PRKCE: variants seen among roughly 807,000 people sequenced by gnomAD.
PRKCE encodes protein kinase C epsilon type.
PRKCE carries 16 observed loss-of-function variants against 85.4 expected under a neutral mutation model. The ratio of observed to expected loss-of-function variants is 0.19; its 90% CI spans 0.13 to 0.28. The LOEUF (loss-of-function observed/expected upper bound fraction) is 0.28. Ranked by LOEUF, PRKCE falls within the 10% of genes least tolerant of loss-of-function variation. The pLI, the probability that PRKCE is intolerant of heterozygous loss-of-function variation, is 1.00. For missense variants in PRKCE, 573 were observed against 975.2 expected (o/e 0.59, Z 5.49); for synonymous variants, 388 against 371.5 (o/e 1.04, Z -0.51).
Position 46,187,289 on chromosome 2 carries a change from A to C in PRKCE, c.*2408A>C, listed in dbSNP as rs1574704956. 1 of 152,296 alleles carries C rather than the reference A, an allele frequency of 6.6e-6. No individual in the cohort carries two copies. Among genetic ancestry groups the C allele is most frequent in the Admixed American group, 6.6e-5 (1 of 15,266 alleles). 9.4% of individuals were successfully genotyped at this position (152,296 alleles called of 1,614,324 possible). ...GCTGGGAAGTCAAATAATACATTCCACCTGGCAGCTGAAGGCAGCCAGTCA... is the reference window on the plus strand; with the variant it reads ...GCTGGGAAGTCAAATAATACATTCCCCCTGGCAGCTGAAGGCAGCCAGTCA... On this transcript the variant is annotated 3_prime_UTR_variant, in exon 15 of 15. Coordinates refer to ENST00000306156, the MANE Select transcript of PRKCE (RefSeq NM_005400.3).
chr2:46,123,840 A>G (rs1429720175), intron 11 of PRKCE, among the ~76,000 whole-genome samples: 1 of 152,186 alleles, frequency 6.6e-6, no homozygotes, highest in Non-Finnish European at 1.5e-5. Context: ...GGTGGTAAGG[A>G]TTTGTACCAT....
intron 2 of PRKCE, among the ~76,000 whole-genome samples, chr2:45,967,118 A>G (rs779086191): frequency 6.6e-6 from 1 of 152,126 alleles, no homozygotes; most frequent in Non-Finnish European, 1.5e-5. Flanking sequence ...GATTTGTAGC[A>G]TTTGTTGATT....
intron 1 of PRKCE, among the ~76,000 whole-genome samples, chr2:45,756,240 T>C (rs571642226): frequency 2.0e-4 from 30 of 152,288 alleles, no homozygotes; most frequent in African/African-American, 6.7e-4. Flanking sequence ...CCTGGACTTC[T>C]TTGAAAAAGC....
chr2:46,055,978 T>C (rs1195804432), intron 10 of PRKCE, among the ~76,000 whole-genome samples: 1 of 152,196 alleles, frequency 6.6e-6, no homozygotes, highest in Non-Finnish European at 1.5e-5. Context: ...GTCTAATTTT[T>C]GCATGCCAAC....
At chr2:45,781,027 C>T (rs986439737) in intron 1 of PRKCE, among the ~76,000 whole-genome samples, 1 of 152,082 alleles carries the variant, frequency 6.6e-6, no homozygotes, top group Non-Finnish European at 1.5e-5. Context: ...GGAAGAATCA[C>T]TTAATTTAGA....
At chr2:46,136,311 A>G (rs1674991958) in intron 11 of PRKCE, among the ~76,000 whole-genome samples, 1 of 152,158 alleles carries the variant, frequency 6.6e-6, no homozygotes, top group Non-Finnish European at 1.5e-5. Context: ...ATTCTTTCTG[A>G]TATGTTAAGG....
intron 11 of PRKCE, among the ~76,000 whole-genome samples, chr2:46,133,536 GTCAATGAATATA>G (rs1309235827): frequency 6.6e-6 from 1 of 152,206 alleles, no homozygotes; most frequent in Non-Finnish European, 1.5e-5. Flanking sequence ...GGGGCAAGTA[GTCAATGAATATA>G]TCAGTGATTG....
At chr2:46,007,747 A>G in intron 9 of PRKCE, 86 bp downstream of exon 9, 1 of 1,406,492 alleles carries the variant, frequency 7.1e-7, no homozygotes, top group African/African-American at 1.4e-5. Flanking sequence ...TGAGAGAGGA[A>G]CCTTTCAGCC....
intron 1 of PRKCE, among the ~76,000 whole-genome samples, chr2:45,780,048 C>T (rs1238941717): frequency 9.0e-6 from 1 of 111,530 alleles, no homozygotes; most frequent in Non-Finnish European, 1.8e-5. Context: ...TCTGTAAATA[C>T]ATCTGTATCG....
At chr2:46,142,948 G>T (rs1291508136) in intron 11 of PRKCE, among the ~76,000 whole-genome samples, 1 of 152,166 alleles carries the variant, frequency 6.6e-6, no homozygotes, top group Non-Finnish European at 1.5e-5. Flanking sequence ...TGGCATTTGG[G>T]GTATTTTATA....
intron 2 of PRKCE, among the ~76,000 whole-genome samples, chr2:45,901,842 A>G (rs1696603761): frequency 1.3e-5 from 2 of 152,238 alleles, no homozygotes; most frequent in Non-Finnish European, 2.9e-5. Flanking sequence ...AAGCTCACAC[A>G]CGATGTCTGT....
chr2:45,987,996 A>G (rs551945530), intron 6 of PRKCE, among the ~76,000 whole-genome samples: 1 of 152,312 alleles, frequency 6.6e-6, no homozygotes, highest in African/African-American at 2.4e-5. Flanking sequence ...GTGACCTGCA[A>G]GCATCCCCGA....
intron 2 of PRKCE, among the ~76,000 whole-genome samples, chr2:45,966,197 T>G (rs997842238): frequency 6.6e-6 from 1 of 152,188 alleles, no homozygotes; most frequent in Non-Finnish European, 1.5e-5. Context: ...CTTGTGATAT[T>G]AGAGGAAGTA....
intron 2 of PRKCE, among the ~76,000 whole-genome samples, chr2:45,852,339 C>T (rs1300022340): frequency 1.3e-5 from 2 of 152,202 alleles, no homozygotes; most frequent in Non-Finnish European, 2.9e-5. Context: ...CTGTTTAAAA[C>T]AGTTAACTCA....
At chr2:46,162,606 AT>A (rs1469021618) in intron 14 of PRKCE, among the ~76,000 whole-genome samples, 7 of 152,286 alleles carry the variant, frequency 4.6e-5, no homozygotes, top group African/African-American at 1.7e-4. Flanking sequence ...GGAGGAGAGA[AT>A]TAGAACATCT....
At chr2:45,994,697 T>G (rs1299077885) in intron 6 of PRKCE, among the ~76,000 whole-genome samples, 1 of 152,208 alleles carries the variant, frequency 6.6e-6, no homozygotes, top group Non-Finnish European at 1.5e-5. Flanking sequence ...CTAAAGGACA[T>G]TTTGCTTGCT....
intron 1 of PRKCE, among the ~76,000 whole-genome samples, chr2:45,657,496 C>G (rs1675433091): frequency 6.6e-6 from 1 of 152,082 alleles, no homozygotes; most frequent in Non-Finnish European, 1.5e-5. Context: ...AGTAACTGCT[C>G]AATGCATATC....
chr2:45,687,305 G>T (rs900805951), intron 1 of PRKCE, among the ~76,000 whole-genome samples: 11 of 151,766 alleles, frequency 7.2e-5, no homozygotes, highest in Non-Finnish European at 1.5e-4. Context: ...TGGAATAAAG[G>T]TATAAACAGA....
intron 6 of PRKCE, among the ~76,000 whole-genome samples, chr2:45,986,459 C>G (rs1558923358): frequency 6.6e-6 from 1 of 151,962 alleles, no homozygotes; most frequent in Admixed American, 6.6e-5. Flanking sequence ...TGATGGACAC[C>G]GCCTTCCCCA....
Sources: gnomAD v4.1 joint callset for allele counts (sites outside exome capture counted in the v4.1 genomes callset) on GRCh38, gnomAD v4.1.1 for gene constraint, MANE v1.5 for transcripts, NCBI Gene and HGNC (gene_info 2026-07-23, HGNC 2026-07-21) for gene names.